Variants in RABGAP1L observed in about 807,000 individuals in gnomAD.
RABGAP1L encodes rab GTPase-activating protein 1-like.
RABGAP1L carries 63 observed loss-of-function variants against 137.7 expected under a neutral mutation model. The ratio of observed to expected loss-of-function variants is 0.46; its 90% CI spans 0.37 to 0.56. RABGAP1L has a LOEUF of 0.56. RABGAP1L is among the 20% of genes least tolerant of loss of function. The pLI, the probability that RABGAP1L is intolerant of heterozygous loss-of-function variation, is 0.00. For synonymous variants in RABGAP1L, 431 were observed against 433.7 expected, an observed-to-expected ratio of 0.99 and a Z score of 0.08; for missense variants, 1,095 against 1,244.0, an observed-to-expected ratio of 0.88 and a Z score of 1.80.
intron 11 of RABGAP1L, among the ~76,000 whole-genome samples, chr1:174,305,954 C>T (rs1323860269): frequency 6.6e-6 from 1 of 152,034 alleles, no homozygotes; most frequent in Non-Finnish European, 1.5e-5. Flanking sequence ...TGTGATGTTC[C>T]CTTCCTGTGT....
chr1:174,715,137 T>G (rs1680899515), intron 17 of RABGAP1L, among the ~76,000 whole-genome samples: 1 of 152,178 alleles, frequency 6.6e-6, no homozygotes, highest in African/African-American at 2.4e-5. Context: ...TGTGCAATTT[T>G]GACCCATATA....
intron 17 of RABGAP1L, among the ~76,000 whole-genome samples, chr1:174,707,597 C>T (rs1016297830): frequency 6.6e-6 from 1 of 152,184 alleles, no homozygotes; most frequent in Non-Finnish European, 1.5e-5. Flanking sequence ...ATGAGACTAA[C>T]AATACCTGTC....
At chr1:174,859,850 T>TAA (rs11377354) in intron 19 of RABGAP1L, among the ~76,000 whole-genome samples, 2 of 150,202 alleles carry the variant, frequency 1.3e-5, no homozygotes, top group African/African-American at 2.4e-5. Context: ...ACTTAAAAGT[T>TAA]AAAAAAAAAT....
chr1:174,435,373 A>G (rs1379451536), intron 13 of RABGAP1L, among the ~76,000 whole-genome samples: 1 of 152,210 alleles, frequency 6.6e-6, no homozygotes, highest in East Asian at 1.9e-4. Context: ...GTTTTCCTTT[A>G]GAAGCTATAT....
intron 14 of RABGAP1L, among the ~76,000 whole-genome samples, chr1:174,646,595 G>A (rs553555720): frequency 6.6e-6 from 1 of 152,252 alleles, no homozygotes; most frequent in East Asian, 1.9e-4. Flanking sequence ...CCAGTACCAT[G>A]CTGTTTTCGT....
chr1:174,362,740 G>A (rs1345612487), intron 11 of RABGAP1L, among the ~76,000 whole-genome samples: 3 of 152,166 alleles, frequency 2.0e-5, no homozygotes, highest in Non-Finnish European at 2.9e-5. Context: ...TGTTTACTCT[G>A]TTGATAGTGT....
intron 19 of RABGAP1L, among the ~76,000 whole-genome samples, chr1:174,941,952 G>A (rs1310275449): frequency 6.6e-6 from 1 of 152,160 alleles, no homozygotes; most frequent in East Asian, 1.9e-4. Context: ...ATCCCACATA[G>A]CATGTGGCAT....
chr1:174,773,288 G>A (rs1035786575), intron 18 of RABGAP1L, among the ~76,000 whole-genome samples: 6 of 152,094 alleles, frequency 3.9e-5, no homozygotes, highest in East Asian at 3.9e-4. Flanking sequence ...CTACTTGGAA[G>A]GCTAAGGTGG....
In RABGAP1L at chr1:174,702,137, C is replaced by T; in HGVS notation, c.2050C>T (p.His684Tyr). 1 of 1,611,528 alleles carries T rather than the reference C, an allele frequency of 6.2e-7. No individual in the cohort carries two copies. Among genetic ancestry groups the T allele is most frequent in the South Asian group, 1.1e-5 (1 of 90,376 alleles). ...MQEQLPDLHS[H>Y]FSDLNLEAHM... ...GGAACAGCTACCGGACCTGCATAGCCATTTTTCTGATCTGAACCTGGAAGC... is the reference window on the plus strand; with the variant it reads ...GGAACAGCTACCGGACCTGCATAGCTATTTTTCTGATCTGAACCTGGAAGC... The change falls in exon 17 of 26, where the codon CAT (histidine) becomes TAT (tyrosine). Residue 684 changes from histidine (H) to tyrosine (Y), a missense_variant. Physicochemically the swap from His to Tyr is moderately conservative, Grantham distance 83. This residue lies in a region of RABGAP1L where 312 missense variants were observed against 435.6 expected (regional missense o/e 0.72). Transcript: ENST00000681986.
At chr1:174,672,053 C>A (rs1267968501) in intron 14 of RABGAP1L, among the ~76,000 whole-genome samples, 1 of 151,842 alleles carries the variant, frequency 6.6e-6, no homozygotes, top group Non-Finnish European at 1.5e-5. Context: ...AATATTTCAT[C>A]CTTGATCAGT....
At chr1:174,175,267 G>C (rs998522788) in intron 1 of RABGAP1L, among the ~76,000 whole-genome samples, 11 of 152,142 alleles carry the variant, frequency 7.2e-5, no homozygotes, top group African/African-American at 2.7e-4. Context: ...TGGGTACCAA[G>C]AATTTTTAGA....
chr1:174,570,652 C>A (rs1016466), intron 13 of RABGAP1L, among the ~76,000 whole-genome samples: 88,327 of 151,888 alleles, frequency 0.58, 27,988 homozygotes, highest in African/African-American at 0.85. Context: ...CTACACATGT[C>A]CCCTCTGAAT....
At chr1:174,849,157 C>A (rs1286469805) in intron 19 of RABGAP1L, among the ~76,000 whole-genome samples, 1 of 152,142 alleles carries the variant, frequency 6.6e-6, no homozygotes, top group African/African-American at 2.4e-5. Flanking sequence ...AACCCGGTAC[C>A]TCAGATGGAA....
intron 18 of RABGAP1L, among the ~76,000 whole-genome samples, chr1:174,806,599 C>T (rs1397141310): frequency 2.0e-5 from 3 of 152,122 alleles, no homozygotes; most frequent in African/African-American, 7.2e-5. Flanking sequence ...CAGAGCAAGA[C>T]CCTGCCTCTA....
Position 174,615,935 on chromosome 1 carries a change from T to G in RABGAP1L, c.1711-21440T>G, listed in dbSNP as rs570586494. 2.6e-5 allele frequency among the ~76,000 whole-genome samples: 4 copies of G among 152,350 alleles called. No individual in the cohort carries two copies. The South Asian group carries it at 8.3e-4, about 32-fold the overall frequency. On this transcript the variant is annotated intron_variant, in intron 13 of 25. Transcript: ENST00000681986. ...CCGTTTTTTAAGCCCGTTGGAAAAG[T>G]GCAGTATTCGGGTGGGAGTTACCCG...
At chr1:174,631,299 A>T (rs1428543201) in intron 13 of RABGAP1L, among the ~76,000 whole-genome samples, 14 of 134,222 alleles carry the variant, frequency 1.0e-4, no homozygotes, top group Admixed American at 7.5e-5. Context: ...TGCTGAGGAG[A>T]GCTTTACTTC....
intron 19 of RABGAP1L, among the ~76,000 whole-genome samples, chr1:174,908,796 G>A (rs1356549855): frequency 6.7e-6 from 1 of 149,848 alleles, no homozygotes; most frequent in African/African-American, 2.4e-5. Flanking sequence ...TGCCCACCTC[G>A]GCCTCCCCAA....
At chr1:174,487,309 G>A (rs1415496157) in intron 13 of RABGAP1L, among the ~76,000 whole-genome samples, 2 of 152,106 alleles carry the variant, frequency 1.3e-5, no homozygotes, top group African/African-American at 4.8e-5. Flanking sequence ...GAGTTTTCCA[G>A]TGTTGGGTCC....
chr1:174,754,488 T>C (rs1369378597), intron 18 of RABGAP1L, among the ~76,000 whole-genome samples: 2 of 151,922 alleles, frequency 1.3e-5, no homozygotes, highest in Non-Finnish European at 2.9e-5. Context: ...TTTTCTTTTG[T>C]TTTGTTTTGT....
Sources: allele counts gnomAD v4.1 joint callset (sites outside exome capture counted in the v4.1 genomes callset), GRCh38; gene constraint gnomAD v4.1.1; regional missense constraint gnomAD v4.1.1; transcripts MANE v1.5; gene names NCBI Gene and HGNC (gene_info 2026-07-23, HGNC 2026-07-21).